STAG3: variants seen among roughly 807,000 people sequenced by gnomAD.
The protein encoded by STAG3 is cohesin subunit SA-3.
In STAG3, 101 loss-of-function variants were observed where a neutral mutation model predicts 160.7. The observed-to-expected ratio is 0.63, with a 90% CI of 0.54 to 0.74. STAG3 has a LOEUF of 0.74. Among genes scored for constraint, STAG3 ranks in the 30% least tolerant of loss-of-function variants. STAG3 has a pLI of 0.00. For synonymous variants in STAG3, 519 were observed against 585.0 expected, an observed-to-expected ratio of 0.89 and a Z score of 1.63; for missense variants, 1,188 against 1,517.4, an observed-to-expected ratio of 0.78 and a Z score of 3.61.
intron 8 of STAG3, 66 bp from the exon 9 acceptor site, chr7:100,195,243 G>A (rs1800607318): frequency 3.5e-6 from 5 of 1,424,228 alleles, no homozygotes; most frequent in Middle Eastern, 1.8e-4. Flanking sequence ...TAGTTTTTCT[G>A]TATCTTCAGG....
At chr7:100,178,955 A>G (rs1799456114) in intron 1 of STAG3, among the ~76,000 whole-genome samples, 1 of 151,324 alleles carries the variant, frequency 6.6e-6, no homozygotes, top group Non-Finnish European at 1.5e-5. Flanking sequence ...CATTCTGCCG[A>G]GTAGCTGGGA....
At chr7:100,195,444 G>C in intron 9 of STAG3, 62 bp downstream of exon 9, 1 of 1,506,668 alleles carries the variant, frequency 6.6e-7, no homozygotes. Flanking sequence ...CTGAGGAAGT[G>C]AATAAGGTTT....
chr7:100,198,001 CT>C, intron 11 of STAG3, 85 bp from the exon 12 acceptor site: 1 of 1,532,226 alleles, frequency 6.5e-7, no homozygotes, highest in Non-Finnish European at 9.0e-7. Flanking sequence ...TACGTAGGCA[CT>C]CTCTTTAGGA....
In STAG3 at chr7:100,201,281, G is replaced by T; in HGVS notation, c.2150G>T (p.Arg717Leu). The T allele has an allele frequency of 6.2e-7, 1 of 1,613,996 alleles. No homozygotes were observed. ...CCCCAAAGCACTCATGACCTGACTC[G>T]CTGGGAGCTCTATGAGCCATGTTGC... ...SAFYNTHDLTRWELYEPCCQL... is the reference protein window; with the variant it reads ...SAFYNTHDLTLWELYEPCCQL... Residue 717 changes from arginine (R) to leucine (L), a missense_variant, in exon 21 of 34, where the codon CGC (arginine) becomes CTC (leucine). This residue lies in a region of STAG3 where 647 missense variants were observed against 717.2 expected (regional missense o/e 0.90). Coordinates refer to ENST00000615138, the MANE Select transcript of STAG3 (RefSeq NM_001282717.2).
Position 100,205,047 on chromosome 7 carries a change from C to G in STAG3, c.2994C>G (p.Gly998=). 6.2e-7 allele frequency: 1 copy of G among 1,614,162 alleles called. No individual in the cohort carries two copies. The highest frequency in any genetic ancestry group is 8.5e-7 in the Non-Finnish European group (1 of 1,180,012). ...CCTTGTCTGAGCTTCCTCCAGCTGG[C>G]TCCTCCAATCAGCCTCCAAATCTGG... ...QFSLSELPPA[G]SSNQPPNLAF... Residue 998 remains glycine, a synonymous_variant, in exon 28 of 34, where the codon GGC becomes GGG. Transcript: ENST00000615138.
chr7:100,186,319 C>G (rs572774509), intron 5 of STAG3, 23 bp downstream of exon 5: 5 of 1,581,694 alleles, frequency 3.2e-6, no homozygotes, highest in Middle Eastern at 1.7e-4. Flanking sequence ...CTCCCCCTTT[C>G]TAATTCCCAG....
Position 100,199,245 on chromosome 7 carries a change from T to A in STAG3, c.1468-17T>A, listed in dbSNP as rs751079513. 4 of 1,553,130 alleles carry A rather than the reference T, an allele frequency of 2.6e-6. No homozygotes were observed. The South Asian group carries it at 4.4e-5, about 17-fold the overall frequency. ...TTAACATGCTATCATTAACTCCCCATGCACGTTCTCCCCTAGCTCCATGAC... is the reference window on the plus strand; with the variant it reads ...TTAACATGCTATCATTAACTCCCCAAGCACGTTCTCCCCTAGCTCCATGAC... On this transcript the variant is annotated splice_polypyrimidine_tract_variant and intron_variant, in intron 14 of 33. Coordinates refer to ENST00000615138, the MANE Select transcript of STAG3 (RefSeq NM_001282717.2).
At chr7:100,216,085 C>T (rs1420165721), downstream of STAG3, among the ~76,000 whole-genome samples, 1 of 152,152 alleles carries the variant, frequency 6.6e-6, no homozygotes, top group Non-Finnish European at 1.5e-5. Context: ...TCCAACCTTC[C>T]CTGTTTTTCA....
chr7:100,186,885 A>G (rs1800037032), intron 5 of STAG3, among the ~76,000 whole-genome samples: 1 of 152,112 alleles, frequency 6.6e-6, no homozygotes, highest in African/African-American at 2.4e-5. Context: ...TTTCCCAGCT[A>G]CTTTGCCCAT....
At chr7:100,187,805 G>A (rs1800117849) in intron 5 of STAG3, among the ~76,000 whole-genome samples, 1 of 147,748 alleles carries the variant, frequency 6.8e-6, no homozygotes, top group Admixed American at 6.8e-5. Context: ...TGCCCAGGCT[G>A]GAGTGCAGTA....
At chr7:100,196,405 C>G (rs1332309229) in intron 9 of STAG3, among the ~76,000 whole-genome samples, 4 of 151,972 alleles carry the variant, frequency 2.6e-5, no homozygotes, top group African/African-American at 9.7e-5. Flanking sequence ...CTCAGCCTCC[C>G]AAGTAGCTGG....
At chr7:100,198,680 A>G (rs1800852759) in intron 13 of STAG3, 98 bp downstream of exon 13, 1 of 1,320,126 alleles carries the variant, frequency 7.6e-7, no homozygotes, top group African/African-American at 1.5e-5. Flanking sequence ...TCTCTGTGAA[A>G]GTCTCCCTGG....
At chr7:100,197,093 A>AG in intron 9 of STAG3, 63 bp from the exon 10 acceptor site, 1 of 1,584,366 alleles carries the variant, frequency 6.3e-7, no homozygotes, top group Non-Finnish European at 8.6e-7. Flanking sequence ...GTTATCTGGT[A>AG]GGATGGAAAG....
chr7:100,201,387 G>A (rs772809188), intron 21 of STAG3, 36 bp downstream of exon 21: 2 of 1,595,826 alleles, frequency 1.3e-6, no homozygotes, highest in Non-Finnish European at 1.7e-6. Context: ...TGGGGGCTGG[G>A]GGGCTAGATT....
intron 32 of STAG3, chr7:100,213,354 C>T: frequency 3.0e-6 from 3 of 985,398 alleles, no homozygotes; most frequent in Non-Finnish European, 3.6e-6. Flanking sequence ...GTTCTCTTCT[C>T]TGCAGGGAAG....
intron 4 of STAG3, among the ~76,000 whole-genome samples, chr7:100,185,166 CCT>C (rs756589468): frequency 3.1e-4 from 47 of 152,012 alleles, no homozygotes; most frequent in Admixed American, 6.6e-4. Context: ...CACCTCAGCC[CCT>C]CTCATAGCTG....
downstream of STAG3, among the ~76,000 whole-genome samples, chr7:100,215,509 G>A (rs1184167149): frequency 1.3e-5 from 2 of 152,238 alleles, no homozygotes; most frequent in Admixed American, 1.3e-4. Context: ...AAAGGAGCCT[G>A]TTTTGTGGGA....
chr7:100,182,057 G>C (rs755046326), intron 2 of STAG3, 33 bp from the exon 3 acceptor site: 2 of 1,546,298 alleles, frequency 1.3e-6, no homozygotes, highest in South Asian at 2.2e-5. Context: ...GAATAGGGTG[G>C]TTATATTTAA....
chr7:100,213,634 A>C, intron 32 of STAG3, 101 bp from the exon 33 acceptor site: 2 of 1,585,384 alleles, frequency 1.3e-6, no homozygotes, highest in Middle Eastern at 1.7e-4. Flanking sequence ...TGCTGTGCCC[A>C]TATTTGTTCT....
Sources: allele counts gnomAD v4.1 joint callset (sites outside exome capture counted in the v4.1 genomes callset), GRCh38; gene constraint gnomAD v4.1.1; regional missense constraint gnomAD v4.1.1; transcripts MANE v1.5; gene names NCBI Gene and HGNC (gene_info 2026-07-23, HGNC 2026-07-21).